The following HDAC4 variants were observed in gnomAD, a reference collection of about 807,000 sequenced individuals.
HDAC4 encodes histone deacetylase 4, also known as histone deacetylase A.
In HDAC4, 16 loss-of-function variants were observed where a neutral mutation model predicts 135.1. That is an observed-to-expected ratio of 0.12 (90% CI 0.08 to 0.18). HDAC4 has a LOEUF of 0.18. Among genes scored for constraint, HDAC4 ranks in the 10% least tolerant of loss-of-function variants. The pLI, the probability that HDAC4 is intolerant of heterozygous loss-of-function variation, is 1.00. For synonymous variants in HDAC4, 685 were observed against 653.4 expected (o/e 1.05, Z -0.74); for missense variants, 1,143 against 1,511.8 (o/e 0.76, Z 4.05).
chr2:239,242,655 C>A (rs2153193620), intron 2 of HDAC4, among the ~76,000 whole-genome samples: 1 of 152,250 alleles, frequency 6.6e-6, no homozygotes, highest in East Asian at 1.9e-4. Context: ...CTGGCTCAGT[C>A]CTACAGTACA....
At chr2:239,102,744 C>A (rs922914363) in intron 16 of HDAC4, 32 bp downstream of exon 16, 1 of 1,613,090 alleles carries the variant, frequency 6.2e-7, no homozygotes, top group Non-Finnish European at 8.5e-7. Flanking sequence ...ACTTCAAACC[C>A]AATATGGGAG....
chr2:239,279,230 A>G (rs564602513), intron 2 of HDAC4, among the ~76,000 whole-genome samples: 1 of 152,314 alleles, frequency 6.6e-6, no homozygotes, highest in Admixed American at 6.5e-5. Flanking sequence ...GGCTGCTAAG[A>G]AGGCAAAGCC....
chr2:239,380,450 A>C lies in HDAC4; in HGVS notation c.-220+20528T>G, dbSNP rs1695341010. 2.0e-5 allele frequency among the ~76,000 whole-genome samples: 3 copies of C among 152,002 alleles called. No individual in the cohort carries two copies. The South Asian group carries it at 6.2e-4, about 32-fold the overall frequency. On this transcript the variant is annotated intron_variant, in intron 1 of 26. Coordinates refer to ENST00000543185, the MANE Select transcript of HDAC4 (RefSeq NM_001378414.1). ...TATGTATAAACATTTGTTTTTTCCC[A>C]TCTTTCTCTCTATAGTTAGCAAACA...
intron 13 of HDAC4, among the ~76,000 whole-genome samples, chr2:239,113,732 C>G (rs952703528): frequency 6.6e-6 from 1 of 152,174 alleles, no homozygotes; most frequent in Admixed American, 6.5e-5. Context: ...CAAGGCCCGA[C>G]CACAGGAAGA....
At chr2:239,072,690 TA>T (rs1318401930) in intron 22 of HDAC4, among the ~76,000 whole-genome samples, 1 of 152,238 alleles carries the variant, frequency 6.6e-6, no homozygotes, top group African/African-American at 2.4e-5. Context: ...GGGCTGGCCC[TA>T]AAACTTTTTC....
chr2:239,317,161 T>C (rs1163385339), intron 2 of HDAC4, among the ~76,000 whole-genome samples: 2 of 152,138 alleles, frequency 1.3e-5, no homozygotes, highest in African/African-American at 2.4e-5. Context: ...TATTCTGGGA[T>C]TGAGACTGAA....
chr2:239,107,546 G>GC (rs1270742742), intron 15 of HDAC4, among the ~76,000 whole-genome samples: 4 of 152,210 alleles, frequency 2.6e-5, no homozygotes, highest in African/African-American at 9.6e-5. Context: ...TCTGAGGAGG[G>GC]CCCCAAGGGC....
chr2:239,369,094 G>A (rs893131663), intron 1 of HDAC4, among the ~76,000 whole-genome samples: 2 of 152,258 alleles, frequency 1.3e-5, no homozygotes, highest in South Asian at 2.1e-4. Context: ...TCGCCGGCAG[G>A]GAGGAATCCT....
Position 239,345,761 on chromosome 2 carries a change from C to T in HDAC4, c.22+6917G>A, listed in dbSNP as rs917217499. Among the ~76,000 whole-genome samples the T allele has an allele frequency of 1.1e-4, 16 of 149,066 alleles. No homozygotes were observed. The South Asian group carries it at 1.9e-3, about 18-fold the overall frequency. The stretch of plus-strand genomic sequence containing the variant: ...ACACCGTCTAAAACACACACACCCC[C>T]GTCTCACACACATGCACTCAAACAC... On this transcript the variant is annotated intron_variant, in intron 2 of 26. Coordinates refer to ENST00000543185, the MANE Select transcript of HDAC4 (RefSeq NM_001378414.1).
At chr2:239,173,427 T>C (rs1282625369) in intron 5 of HDAC4, among the ~76,000 whole-genome samples, 2 of 152,182 alleles carry the variant, frequency 1.3e-5, no homozygotes, top group East Asian at 3.8e-4. Context: ...CAAAAGATGC[T>C]GAAACAGCAC....
At chr2:239,272,077 A>G (rs2050089893) in intron 2 of HDAC4, among the ~76,000 whole-genome samples, 1 of 152,210 alleles carries the variant, frequency 6.6e-6, no homozygotes, top group Admixed American at 6.5e-5. Context: ...CGGACATTCA[A>G]TTAAAAACAA....
chr2:239,370,622 G>A (rs748021022), intron 1 of HDAC4, among the ~76,000 whole-genome samples: 2 of 152,204 alleles, frequency 1.3e-5, no homozygotes, highest in African/African-American at 4.8e-5. Context: ...AACAGATAGT[G>A]CAGAGCTGAT....
chr2:239,113,738 G>C (rs2152805376), intron 13 of HDAC4, among the ~76,000 whole-genome samples: 1 of 152,246 alleles, frequency 6.6e-6, no homozygotes, highest in South Asian at 2.1e-4. Context: ...CCGACCACAG[G>C]AAGAGGCCCC....
At chr2:239,277,897 C>T (rs925767424) in intron 2 of HDAC4, among the ~76,000 whole-genome samples, 8 of 152,114 alleles carry the variant, frequency 5.3e-5, no homozygotes, top group Non-Finnish European at 1.0e-4. Context: ...CCCAGTCATA[C>T]GCCCCAGTCA....
chr2:239,204,618 G>A (rs546032128), intron 3 of HDAC4, among the ~76,000 whole-genome samples: 1 of 152,350 alleles, frequency 6.6e-6, no homozygotes, highest in African/African-American at 2.4e-5. Flanking sequence ...GGTCCGTGGA[G>A]GGCTGCACCA....
At position 239,145,999 on chromosome 2, in the gene HDAC4, C is replaced by T. The variant is rs561830515; in HGVS notation, c.734-1285G>A. On this transcript the variant is annotated intron_variant, in intron 7 of 26. Coordinates refer to ENST00000543185, the MANE Select transcript of HDAC4 (RefSeq NM_001378414.1). ...AGCCTTCCCAGAGAAACCAGAGAGG[C>T]GCTGTGAGAAGGTACCAGACTCTAA... 1.8e-3 allele frequency among the ~76,000 whole-genome samples: 275 copies of T among 152,256 alleles called. 1 individual carries two copies. The highest frequency in any genetic ancestry group is 6.2e-3 in the African/African-American group (258 of 41,546).
intron 2 of HDAC4, among the ~76,000 whole-genome samples, chr2:239,338,828 G>A (rs905062554): frequency 1.3e-5 from 2 of 152,168 alleles, no homozygotes; most frequent in African/African-American, 4.8e-5. Flanking sequence ...CACTGGTGGA[G>A]GATTCCAGAG....
chr2:239,110,305 C>T (rs2038554661), intron 14 of HDAC4, among the ~76,000 whole-genome samples: 1 of 152,178 alleles, frequency 6.6e-6, no homozygotes. Flanking sequence ...AAAAAGTAAT[C>T]AAGACAAACT....
chr2:239,314,652 T>G (rs550143173), intron 2 of HDAC4, among the ~76,000 whole-genome samples: 1 of 152,282 alleles, frequency 6.6e-6, no homozygotes, highest in South Asian at 2.1e-4. Context: ...AATCAAGTAT[T>G]AATAGACAGA....
Sources: allele counts gnomAD v4.1 joint callset (sites outside exome capture counted in the v4.1 genomes callset), GRCh38; gene constraint gnomAD v4.1.1; transcripts MANE v1.5; gene names NCBI Gene and HGNC (gene_info 2026-07-23, HGNC 2026-07-21).